JARID2: variants seen among roughly 807,000 people sequenced by gnomAD.
JARID2 encodes jumonji and AT-rich interaction domain containing 2, also known as protein Jumonji.
A neutral mutation model predicts 125.6 loss-of-function variants in JARID2; 21 were observed. The observed-to-expected ratio is 0.17, with a 90% CI of 0.12 to 0.24. JARID2 has a LOEUF of 0.24. JARID2 is among the 10% of genes least tolerant of loss of function. The probability of loss-of-function intolerance (pLI) is 1.00; values close to 1 mark genes in which losing one functional copy is unlikely to be tolerated. For synonymous variants in JARID2, 736 were observed against 661.6 expected, an observed-to-expected ratio of 1.11 and a Z score of -1.73; for missense variants, 1,303 against 1,639.6, an observed-to-expected ratio of 0.79 and a Z score of 3.55.
At chr6:15,261,389 A>G (rs1322399972) in intron 1 of JARID2, among the ~76,000 whole-genome samples, 3 of 141,856 alleles carry the variant, frequency 2.1e-5, no homozygotes, top group African/African-American at 5.4e-5. Flanking sequence ...ATCTTGGCTC[A>G]CTGCAACAAC....
At chr6:15,398,715 T>C (rs1765308868) in intron 2 of JARID2, among the ~76,000 whole-genome samples, 1 of 152,234 alleles carries the variant, frequency 6.6e-6, no homozygotes, top group Non-Finnish European at 1.5e-5. Context: ...CCCGTTTCTC[T>C]TTAATTGACT....
intron 17 of JARID2, among the ~76,000 whole-genome samples, chr6:15,519,258 AT>A (rs1173956770): frequency 6.6e-6 from 1 of 152,064 alleles, no homozygotes; most frequent in African/African-American, 2.4e-5. Context: ...ATCAGTGTTT[AT>A]CATCAGTACC....
chr6:15,317,738 G>A (rs2127435732), intron 1 of JARID2, among the ~76,000 whole-genome samples: 1 of 152,298 alleles, frequency 6.6e-6, no homozygotes, highest in Admixed American at 6.5e-5. Flanking sequence ...TGCCATGGCT[G>A]CGTGGGTGTT....
At chr6:15,330,029 T>G (rs1378070893) in intron 1 of JARID2, among the ~76,000 whole-genome samples, 1 of 152,256 alleles carries the variant, frequency 6.6e-6, no homozygotes, top group East Asian at 1.9e-4. Flanking sequence ...ATTTAAGGAA[T>G]GAGTTGTGAT....
rs112303618 is a variant in JARID2 at position 15,520,689 on chromosome 6, GCACACACA to G, written c.*448_*455del. The G allele has an allele frequency of 2.6e-6, 1 of 391,840 alleles. No homozygotes were observed. Among genetic ancestry groups the G allele is most frequent in the Non-Finnish European group, 5.2e-6 (1 of 193,238 alleles). 24.3% of individuals were successfully genotyped at this position (391,840 alleles called of 1,614,324 possible). Reference sequence around the variant, plus strand: ...TTTAGAAGGGATAGGAGACACACGCGCACACACACACACACACGAAACTTGAAATGGCT... The same window carrying G: ...TTTAGAAGGGATAGGAGACACACGCGCACACACACGAAACTTGAAATGGCT... On this transcript the variant is annotated 3_prime_UTR_variant, in exon 18 of 18. Transcript: ENST00000341776.
At chr6:15,378,198 ATTTT>A (rs66993753) in intron 2 of JARID2, among the ~76,000 whole-genome samples, 1 of 140,996 alleles carries the variant, frequency 7.1e-6, no homozygotes. Flanking sequence ...TCAATTTTTA[ATTTT>A]TTTTTTTTTT....
At chr6:15,455,421 G>A (rs1413052704) in intron 4 of JARID2, among the ~76,000 whole-genome samples, 2 of 152,144 alleles carry the variant, frequency 1.3e-5, no homozygotes, top group Non-Finnish European at 2.9e-5. Context: ...CCTTCTGGGT[G>A]TTGCTAACTG....
intron 1 of JARID2, among the ~76,000 whole-genome samples, chr6:15,340,516 T>A (rs1237046859): frequency 6.6e-6 from 1 of 152,254 alleles, no homozygotes; most frequent in Non-Finnish European, 1.5e-5. Context: ...TTCAGGTTTA[T>A]AAAGACTACT....
intron 2 of JARID2, among the ~76,000 whole-genome samples, chr6:15,408,846 A>G (rs1218381206): frequency 6.6e-6 from 1 of 152,140 alleles, no homozygotes. Context: ...GGATTCTTAG[A>G]TTTCCATACA....
At chr6:15,329,620 C>T (rs1459259065) in intron 1 of JARID2, among the ~76,000 whole-genome samples, 4 of 152,168 alleles carry the variant, frequency 2.6e-5, no homozygotes, top group African/African-American at 7.2e-5. Flanking sequence ...AAACCGCATG[C>T]GCTCTGTCTA....
At chr6:15,468,195 T>G (rs1768838307) in intron 4 of JARID2, among the ~76,000 whole-genome samples, 2 of 151,210 alleles carry the variant, frequency 1.3e-5, no homozygotes, top group African/African-American at 4.9e-5. Context: ...TTAAGTCTAT[T>G]AATTTAGAGT....
chr6:15,372,139 C>T (rs565853548), intron 1 of JARID2, among the ~76,000 whole-genome samples: 2 of 152,210 alleles, frequency 1.3e-5, no homozygotes, highest in African/African-American at 2.4e-5. Context: ...AGTATAGGAA[C>T]GTAAGTGCTG....
In JARID2 at chr6:15,507,122, C is replaced by T; in HGVS notation, c.2542-14C>T. 6.4e-7 allele frequency: 1 copy of T among 1,564,848 alleles called. No individual in the cohort carries two copies. Among genetic ancestry groups the T allele is most frequent in the Non-Finnish European group, 8.8e-7 (1 of 1,135,228 alleles). ...CCTTAGGGGTGCTGACCAGCCCTTT[C>T]CTGTTCCCTGCAGCAAGAGTACTGG... is the stretch of plus-strand genomic sequence containing the variant. On this transcript the variant is annotated splice_polypyrimidine_tract_variant and intron_variant, in intron 9 of 17. Transcript: ENST00000341776.
At chr6:15,410,122 A>G (rs1162850563) in intron 2 of JARID2, 102 bp from the exon 3 acceptor site, 2 of 1,096,592 alleles carry the variant, frequency 1.8e-6, no homozygotes, top group Non-Finnish European at 2.6e-6. Context: ...TTCTATCCAC[A>G]TTCTTGTCTG....
intron 16 of JARID2, among the ~76,000 whole-genome samples, chr6:15,515,760 AAAAC>A (rs1442370302): frequency 6.7e-6 from 1 of 150,314 alleles, no homozygotes; most frequent in African/African-American, 2.4e-5. Context: ...TTAAAAAAAA[AAAAC>A]AAAAACAAAA....
intron 1 of JARID2, chr6:15,247,547 A>G (rs1169054469): frequency 1.6e-5 from 16 of 975,950 alleles, no homozygotes; most frequent in African/African-American, 1.8e-5. Flanking sequence ...TTTTTTTTCA[A>G]AAAAGGCCAA....
At chr6:15,504,802 A>G (rs1209042932) in intron 9 of JARID2, among the ~76,000 whole-genome samples, 9 of 152,180 alleles carry the variant, frequency 5.9e-5, no homozygotes, top group Non-Finnish European at 1.2e-4. Context: ...CAAAAACACT[A>G]TAATGAAGGT....
rs115985138 is a variant in JARID2 at position 15,422,462 on chromosome 6, A to G, written c.323+12097A>G. 7.3e-3 allele frequency among the ~76,000 whole-genome samples: 1,104 copies of G among 152,216 alleles called. 17 individuals are homozygous for G. The highest frequency in any genetic ancestry group is 0.025 in the African/African-American group (1,054 of 41,522). On this transcript the variant is annotated intron_variant, in intron 3 of 17. Transcript: ENST00000341776. Reference sequence around the variant, plus strand: ...CAGTGTCTGAGGTTGGATAGCACAGAGCTAAGGAAGCGTTTTCTGAGTGTG... The same window carrying G: ...CAGTGTCTGAGGTTGGATAGCACAGGGCTAAGGAAGCGTTTTCTGAGTGTG...
At chr6:15,332,115 G>C (rs1762730384) in intron 1 of JARID2, among the ~76,000 whole-genome samples, 1 of 152,054 alleles carries the variant, frequency 6.6e-6, no homozygotes. Context: ...CCATATGTCA[G>C]AGTGAGGAAG....
Sources: allele counts gnomAD v4.1 joint callset (sites outside exome capture counted in the v4.1 genomes callset), GRCh38; gene constraint gnomAD v4.1.1; transcripts MANE v1.5; gene names NCBI Gene and HGNC (gene_info 2026-07-23, HGNC 2026-07-21).